RIT2: variants seen among roughly 807,000 people sequenced by gnomAD.
RIT2 encodes GTP-binding protein Rit2.
RIT2 carries 24 observed loss-of-function variants against 23.7 expected under a neutral mutation model. That is an observed-to-expected ratio of 1.01 (90% CI 0.73 to 1.43). The LOEUF is 1.43. RIT2 is among the 40% of genes most tolerant of loss of function. The pLI is 0.00. For synonymous variants in RIT2, 107 were observed against 91.1 expected (o/e 1.17, Z -0.99); for missense variants, 236 against 266.9 (o/e 0.88, Z 0.81).
chr18:42,926,900 A>G (rs1016626201), intron 3 of RIT2, among the ~76,000 whole-genome samples: 6 of 151,854 alleles, frequency 4.0e-5, no homozygotes, highest in Admixed American at 1.3e-4. Flanking sequence ...GACCTCTAGG[A>G]CTGTTACTTA....
At chr18:43,060,222 A>C (rs1213107744) in intron 1 of RIT2, among the ~76,000 whole-genome samples, 1 of 152,170 alleles carries the variant, frequency 6.6e-6, no homozygotes, top group African/African-American at 2.4e-5. Context: ...TATCCAATGT[A>C]GCCAAGCAAC....
intron 4 of RIT2, among the ~76,000 whole-genome samples, chr18:42,755,282 C>T (rs558446673): frequency 5.3e-5 from 8 of 152,236 alleles, no homozygotes; most frequent in African/African-American, 1.9e-4. Context: ...TCCCCAAGCC[C>T]GATTCATACC....
At chr18:43,066,548 G>A (rs1311196112) in intron 1 of RIT2, among the ~76,000 whole-genome samples, 1 of 152,134 alleles carries the variant, frequency 6.6e-6, no homozygotes, top group Admixed American at 6.6e-5. Context: ...AAGGCCCTAG[G>A]TTTCACCTAG....
At chr18:42,848,261 G>C (rs979530436) in intron 4 of RIT2, among the ~76,000 whole-genome samples, 5 of 152,182 alleles carry the variant, frequency 3.3e-5, no homozygotes, top group African/African-American at 1.2e-4. Flanking sequence ...CTGCAGAGCT[G>C]AACTTCTTTT....
intron 4 of RIT2, among the ~76,000 whole-genome samples, chr18:42,822,153 G>A (rs1158364782): frequency 6.6e-6 from 1 of 152,122 alleles, no homozygotes; most frequent in Non-Finnish European, 1.5e-5. Context: ...TACCATTCAT[G>A]CATGTAGAGT....
chr18:43,029,837 ATTTTC>A (rs916660564), intron 2 of RIT2, among the ~76,000 whole-genome samples: 2 of 151,920 alleles, frequency 1.3e-5, no homozygotes, highest in African/African-American at 2.4e-5. Context: ...TTTCATGAAA[ATTTTC>A]TTTTGTTAAT....
chr18:42,924,621 G>C (rs1909136748), intron 3 of RIT2, among the ~76,000 whole-genome samples: 1 of 151,916 alleles, frequency 6.6e-6, no homozygotes, highest in African/African-American at 2.4e-5. Flanking sequence ...AACTTCTGTT[G>C]GTGGAATAAG....
At chr18:42,797,944 A>G (rs1905422160) in intron 4 of RIT2, among the ~76,000 whole-genome samples, 1 of 152,210 alleles carries the variant, frequency 6.6e-6, no homozygotes, top group Non-Finnish European at 1.5e-5. Context: ...CTGATTCTCT[A>G]TACTCTTATT....
At chr18:42,943,219 T>C (rs543135260) in intron 3 of RIT2, among the ~76,000 whole-genome samples, 3 of 152,206 alleles carry the variant, frequency 2.0e-5, no homozygotes, top group African/African-American at 4.8e-5. Context: ...TTCCCTGCGA[T>C]TGGCTATTTT....
chr18:42,980,085 A>G (rs1209716432), intron 2 of RIT2, among the ~76,000 whole-genome samples: 3 of 152,128 alleles, frequency 2.0e-5, no homozygotes, highest in South Asian at 4.1e-4. Context: ...GGGCCTAAAC[A>G]TTCAGTGAAA....
At chr18:42,770,549 T>G (rs781315246) in intron 4 of RIT2, among the ~76,000 whole-genome samples, 1 of 152,152 alleles carries the variant, frequency 6.6e-6, no homozygotes, top group East Asian at 1.9e-4. Flanking sequence ...AACAGTAGCA[T>G]CTAGATTTTG....
intron 1 of RIT2, among the ~76,000 whole-genome samples, chr18:43,064,022 G>C (rs1912714005): frequency 6.6e-6 from 1 of 152,106 alleles, no homozygotes; most frequent in African/African-American, 2.4e-5. Context: ...TTTGATTAGA[G>C]ACTAAGAAGT....
intron 1 of RIT2, among the ~76,000 whole-genome samples, chr18:43,043,442 A>G (rs1039619992): frequency 1.3e-5 from 2 of 152,098 alleles, no homozygotes; most frequent in Admixed American, 1.3e-4. Flanking sequence ...TTGAATGAAT[A>G]AATAAATAAA....
At chr18:42,922,977 C>T (rs142117826) in intron 4 of RIT2, among the ~76,000 whole-genome samples, 1,909 of 152,170 alleles carry the variant, frequency 0.013, 26 homozygotes, top group South Asian at 0.038. Context: ...AACATGGTAG[C>T]GTAAACAATT....
At chr18:42,760,509 C>T (rs1220857100) in intron 4 of RIT2, among the ~76,000 whole-genome samples, 2 of 152,150 alleles carry the variant, frequency 1.3e-5, no homozygotes, top group African/African-American at 4.8e-5. Context: ...TTATCCTCCA[C>T]AGAAGCAGCT....
At chr18:43,027,194 A>G (rs904766914) in intron 2 of RIT2, among the ~76,000 whole-genome samples, 1 of 152,132 alleles carries the variant, frequency 6.6e-6, no homozygotes, top group Non-Finnish European at 1.5e-5. Context: ...AAACATGGCT[A>G]GAGTTGATTG....
chr18:43,043,006 G>C (rs551430222), intron 1 of RIT2, among the ~76,000 whole-genome samples: 1 of 151,954 alleles, frequency 6.6e-6, no homozygotes, highest in South Asian at 2.1e-4. Flanking sequence ...TTATAAAAAA[G>C]ATAATAATGA....
In RIT2 at chr18:42,745,510, A is replaced by T. The variant is rs554579453; in HGVS notation, c.427-1790T>A. Among the ~76,000 whole-genome samples the T allele has an allele frequency of 5.3e-5, 8 of 152,302 alleles. No homozygotes were observed. The South Asian group carries it at 1.7e-3, about 32-fold the overall frequency. ...TCCCACTAGTAGCTGTTAAACAGAG[A>T]TGAGTAACTTGTCACATTTTAACCC... On this transcript the variant is annotated intron_variant, in intron 4 of 4. Transcript: ENST00000326695.
chr18:42,941,025 G>T (rs1909588659), intron 3 of RIT2, among the ~76,000 whole-genome samples: 2 of 152,066 alleles, frequency 1.3e-5, no homozygotes, highest in African/African-American at 4.8e-5. Context: ...TTGACACTCA[G>T]GCTTCTAATG....
Sources: allele counts gnomAD v4.1 joint callset (sites outside exome capture counted in the v4.1 genomes callset), GRCh38; gene constraint gnomAD v4.1.1; transcripts MANE v1.5; gene names NCBI Gene and HGNC (gene_info 2026-07-23, HGNC 2026-07-21).